NAALADL2: variants seen among roughly 807,000 people sequenced by gnomAD.
NAALADL2 encodes the protein N-acetylated alpha-linked acidic dipeptidase like 2.
NAALADL2 carries 76 observed loss-of-function variants against 87.2 expected under a neutral mutation model. The observed-to-expected ratio is 0.87, with a 90% confidence interval of 0.72 to 1.05. NAALADL2 has a LOEUF of 1.05. NAALADL2 is among the 50% of genes least tolerant of loss of function. The probability of loss-of-function intolerance (pLI) is 0.00; values close to 1 mark genes in which losing one functional copy is unlikely to be tolerated. For missense variants in NAALADL2, 1,089 were observed against 945.8 expected, an observed-to-expected ratio of 1.15 and a Z score of -1.99; for synonymous variants, 354 against 331.0, an observed-to-expected ratio of 1.07 and a Z score of -0.75.
chr3:175,513,146 C>T lies in NAALADL2; in HGVS notation c.1653+41388C>T, dbSNP rs187131907. Among the ~76,000 whole-genome samples, 753 of 152,228 alleles carry T rather than the reference C, an allele frequency of 4.9e-3. 8 individuals carry two copies. Among genetic ancestry groups the T allele is most frequent in the African/African-American group, 0.017 (726 of 41,528 alleles). Reference sequence around the variant, plus strand: ...GCAGTGTACACAGTCACAATTCACTCACTTACTTATTTAATGAATATTATT... The same window carrying T: ...GCAGTGTACACAGTCACAATTCACTTACTTACTTATTTAATGAATATTATT... On this transcript the variant is annotated intron_variant, in intron 9 of 13. Coordinates refer to ENST00000454872, the MANE Select transcript of NAALADL2 (RefSeq NM_207015.3).
intron 5 of NAALADL2, among the ~76,000 whole-genome samples, chr3:175,375,557 T>C (rs1767033792): frequency 6.6e-6 from 1 of 152,182 alleles, no homozygotes; most frequent in Admixed American, 6.5e-5. Context: ...TATTCTAAAA[T>C]GTCCAGTTTA....
At position 174,756,654 on chromosome 3, in the gene NAALADL2, T is replaced by G. The variant is rs1438020879; in HGVS notation, c.-9+18908T>G. ...CTTCTGTCATGAACAGATAGAGATCTGCTTTGCACTGAGGGAGAAGCAGCA... is the reference window on the plus strand; with the variant it reads ...CTTCTGTCATGAACAGATAGAGATCGGCTTTGCACTGAGGGAGAAGCAGCA... On this transcript the variant is annotated intron_variant, in intron 3 of 3. Coordinates refer to the NAALADL2 transcript ENST00000434257. 4.6e-5 allele frequency among the ~76,000 whole-genome samples: 7 copies of G among 152,342 alleles called. No homozygotes were observed. In the East Asian group the frequency reaches 1.2e-3, roughly 25 times the overall value.
At chr3:174,667,952 A>G (rs1473681073) in intron 2 of NAALADL2, among the ~76,000 whole-genome samples, 1 of 151,918 alleles carries the variant, frequency 6.6e-6, no homozygotes, top group Non-Finnish European at 1.5e-5. Flanking sequence ...TATTTTTTTT[A>G]TGATAGCAGC....
intron 6 of NAALADL2, among the ~76,000 whole-genome samples, chr3:175,462,171 G>A (rs1421328027): frequency 6.6e-6 from 1 of 152,098 alleles, no homozygotes; most frequent in East Asian, 1.9e-4. Flanking sequence ...AATAATAGGA[G>A]GCTTGGGAGA....
In NAALADL2 at chr3:175,046,446, A is replaced by G. The variant is rs1233700666; in HGVS notation, c.44-50344A>G. Among the ~76,000 whole-genome samples the G allele has an allele frequency of 1.4e-4, 21 of 152,128 alleles. 1 individual carries two copies. The highest frequency in any genetic ancestry group is 1.4e-3 in the Admixed American group (21 of 15,256). Reference sequence around the variant, plus strand: ...TAAATCTATTGTTGTCCATATTTCCAAGTGGAGGTCTCAGACAAATAATAT... The same window carrying G: ...TAAATCTATTGTTGTCCATATTTCCGAGTGGAGGTCTCAGACAAATAATAT... On this transcript the variant is annotated intron_variant, in intron 1 of 13. Coordinates refer to ENST00000454872, the MANE Select transcript of NAALADL2 (RefSeq NM_207015.3).
At chr3:174,622,904 G>A (rs1285117278) in intron 2 of NAALADL2, among the ~76,000 whole-genome samples, 2 of 152,140 alleles carry the variant, frequency 1.3e-5, no homozygotes, top group South Asian at 4.1e-4. Context: ...TTAGCCAGGC[G>A]TGGTGGCAGG....
chr3:175,139,069 A>G (rs982250608), intron 2 of NAALADL2, among the ~76,000 whole-genome samples: 1 of 151,534 alleles, frequency 6.6e-6, no homozygotes, highest in South Asian at 2.1e-4. Context: ...CCAATGTTAT[A>G]TTAAACACAA....
intron 5 of NAALADL2, among the ~76,000 whole-genome samples, chr3:175,328,707 T>C (rs1001558743): frequency 5.9e-5 from 9 of 152,180 alleles, no homozygotes; most frequent in Admixed American, 4.6e-4. Flanking sequence ...AAATTGGGCA[T>C]CCAAACTGAT....
chr3:175,171,240 C>A (rs377614006), intron 2 of NAALADL2, among the ~76,000 whole-genome samples: 1 of 151,932 alleles, frequency 6.6e-6, no homozygotes. Context: ...TACAGAGAAG[C>A]AGTGTATACT....
At chr3:175,790,825 A>G (rs1170025549) in intron 13 of NAALADL2, among the ~76,000 whole-genome samples, 1 of 152,236 alleles carries the variant, frequency 6.6e-6, no homozygotes. Flanking sequence ...TTTCTTTCAC[A>G]CTTAAACTAT....
intron 1 of NAALADL2, among the ~76,000 whole-genome samples, chr3:174,499,973 ATT>A (rs1718787081): frequency 6.6e-6 from 1 of 151,710 alleles, no homozygotes; most frequent in Non-Finnish European, 1.5e-5. Context: ...TCCTTCTGGG[ATT>A]TTTTTCAGGA....
At chr3:175,748,776 T>C (rs1262271052) in intron 12 of NAALADL2, among the ~76,000 whole-genome samples, 1 of 151,896 alleles carries the variant, frequency 6.6e-6, no homozygotes, top group Non-Finnish European at 1.5e-5. Context: ...TCCAAAGAGA[T>C]CATAATGATA....
chr3:175,385,218 A>G (rs1004768124), intron 5 of NAALADL2, among the ~76,000 whole-genome samples: 2 of 152,132 alleles, frequency 1.3e-5, no homozygotes, highest in Non-Finnish European at 2.9e-5. Flanking sequence ...CAAGAAAATT[A>G]TAAACAGAAA....
intron 1 of NAALADL2, among the ~76,000 whole-genome samples, chr3:175,093,489 A>G (rs747229160): frequency 1.2e-4 from 17 of 147,048 alleles, no homozygotes; most frequent in Non-Finnish European, 2.2e-4. Flanking sequence ...TATTTTTGCA[A>G]AATGTCTATA....
chr3:175,337,019 T>C (rs973464327), intron 5 of NAALADL2, among the ~76,000 whole-genome samples: 1 of 152,126 alleles, frequency 6.6e-6, no homozygotes, highest in Non-Finnish European at 1.5e-5. Context: ...ATACATCTCA[T>C]TGAAATTTTT....
intron 3 of NAALADL2, among the ~76,000 whole-genome samples, chr3:174,764,121 C>G (rs1031374400): frequency 2.6e-5 from 4 of 152,136 alleles, no homozygotes; most frequent in Non-Finnish European, 5.9e-5. Context: ...TGGCCACTTT[C>G]TTTCTGCTAT....
chr3:174,940,379 T>C (rs1738395312), intron 1 of NAALADL2, among the ~76,000 whole-genome samples: 1 of 152,132 alleles, frequency 6.6e-6, no homozygotes, highest in African/African-American at 2.4e-5. Context: ...TGTGGTGGAT[T>C]AGCTCTTTTG....
chr3:174,852,700 A>G lies in NAALADL2; in HGVS notation c.-9+114954A>G, dbSNP rs1231771253. Reference sequence around the variant, plus strand: ...AATACCAATGAAATTCTTCAGAGAAATGGAAAAAACAATCCTAAAATTTAT... The same window carrying G: ...AATACCAATGAAATTCTTCAGAGAAGTGGAAAAAACAATCCTAAAATTTAT... On this transcript the variant is annotated intron_variant, in intron 3 of 3. Transcript: ENST00000434257. Among the ~76,000 whole-genome samples, 3 of 151,786 alleles carry G rather than the reference A, an allele frequency of 2.0e-5. No individual in the cohort carries two copies. In the South Asian group the frequency reaches 6.2e-4, roughly 31 times the overall value.
intron 10 of NAALADL2, 55 bp from the exon 11 acceptor site, chr3:175,627,236 T>G (rs1727110353): frequency 7.1e-7 from 1 of 1,406,198 alleles, no homozygotes; most frequent in Non-Finnish European, 9.8e-7. Context: ...CAATAAACAC[T>G]TGAAAAACAA....
Sources: gnomAD v4.1 joint callset for allele counts (sites outside exome capture counted in the v4.1 genomes callset) on GRCh38, gnomAD v4.1.1 for gene constraint, MANE v1.5 for transcripts, NCBI Gene and HGNC (gene_info 2026-07-23, HGNC 2026-07-21) for gene names.